Variants in PCDHA2 observed in about 807,000 individuals in gnomAD.
The protein encoded by PCDHA2 is protocadherin alpha 2.
A neutral mutation model predicts 66.0 loss-of-function variants in PCDHA2; 58 were observed. The observed-to-expected ratio is 0.88, with a 90% CI of 0.71 to 1.09. The LOEUF (loss-of-function observed/expected upper bound fraction) is 1.09, where lower values mean the gene tolerates loss of function less well. Among genes scored for constraint, PCDHA2 ranks in the 50% least tolerant of loss-of-function variants. The pLI is 0.00. For missense variants in PCDHA2, 1,267 were observed against 1,242.3 expected (o/e 1.02, Z -0.30); for synonymous variants, 634 against 554.0 (o/e 1.14, Z -2.03).
At chr5:140,991,563 C>T (rs577838155) in intron 3 of PCDHA2, among the ~76,000 whole-genome samples, 4 of 152,288 alleles carry the variant, frequency 2.6e-5, no homozygotes, top group South Asian at 4.1e-4. Context: ...CCTTTAGTTT[C>T]CAATAACAGG....
chr5:140,834,624 A>G (rs2150222938), intron 1 of PCDHA2: 1 of 1,614,104 alleles, frequency 6.2e-7, no homozygotes, highest in East Asian at 2.2e-5. Context: ...AAATCTGCAG[A>G]ATGGCATTTT....
intron 1 of PCDHA2, chr5:140,802,772 C>G: frequency 6.2e-7 from 1 of 1,613,090 alleles, no homozygotes; most frequent in Non-Finnish European, 8.5e-7. Context: ...CGCTGGACCA[C>G]GAGGAGCTAG....
chr5:140,866,332 C>T (rs907104560), intron 1 of PCDHA2: 2 of 152,020 alleles, frequency 1.3e-5, no homozygotes, highest in Non-Finnish European at 2.9e-5. Flanking sequence ...CTGAACTTGG[C>T]CAAAGGATTC....
chr5:140,843,319 G>A lies in PCDHA2; in HGVS notation c.2388+45967G>A, dbSNP rs1554139952. On this transcript the variant is annotated intron_variant, in intron 1 of 3. Coordinates refer to ENST00000526136, the MANE Select transcript of PCDHA2 (RefSeq NM_018905.3). The stretch of plus-strand genomic sequence containing the variant: ...CGCTGACCGCCACGGCCACGGTTCT[G>A]GTGTCGCTGGTGGAGAGCGGCCAGG... The A allele has an allele frequency of 5.6e-6, 9 of 1,595,928 alleles. 2 individuals carry two copies. In the African/African-American group the frequency reaches 1.2e-4, roughly 21 times the overall value.
intron 1 of PCDHA2, among the ~76,000 whole-genome samples, chr5:140,894,264 G>A (rs1231047220): frequency 1.3e-5 from 2 of 151,820 alleles, no homozygotes; most frequent in African/African-American, 4.8e-5. Flanking sequence ...ACAAGTGGTA[G>A]CTTATTTACA....
In PCDHA2 at chr5:140,855,796, A is replaced by G. The variant is rs140328724; in HGVS notation, c.2388+58444A>G. 580 of 464,912 alleles carry G rather than the reference A, an allele frequency of 1.2e-3. 24 individuals carry two copies. The highest frequency in any genetic ancestry group is 0.011 in the African/African-American group (538 of 50,868). 28.8% of individuals were successfully genotyped at this position (464,912 alleles called of 1,614,324 possible). On this transcript the variant is annotated intron_variant, in intron 1 of 3. Transcript: ENST00000526136. ...AAATACGTAAAAAAAGAATTAACAT[A>G]TGAATGAAAGAAAAGTTGTGAACTC...
At chr5:140,965,311 T>G (rs1415569065) in intron 1 of PCDHA2, among the ~76,000 whole-genome samples, 1 of 152,180 alleles carries the variant, frequency 6.6e-6, no homozygotes, top group Non-Finnish European at 1.5e-5. Context: ...TTCTACCTTC[T>G]CTTTTACTGA....
At chr5:140,969,908 T>C (rs1586401643) in intron 1 of PCDHA2, among the ~76,000 whole-genome samples, 4 of 152,184 alleles carry the variant, frequency 2.6e-5, no homozygotes, top group Non-Finnish European at 4.4e-5. Context: ...ATGTCACAAG[T>C]GATAAAGCTG....
chr5:140,976,689 T>TTTGCA (rs1280133734), intron 1 of PCDHA2, among the ~76,000 whole-genome samples: 2 of 152,232 alleles, frequency 1.3e-5, no homozygotes, highest in East Asian at 3.8e-4. Context: ...GCAATTTAAG[T>TTTGCA]ACAATAATGT....
At chr5:140,876,395 T>C (rs1562712555) in intron 1 of PCDHA2, 2 of 1,613,920 alleles carry the variant, frequency 1.2e-6, no homozygotes, top group Non-Finnish European at 8.5e-7. Flanking sequence ...TATGGTGAAC[T>C]GGATTTTGAA....
At chr5:141,007,459 T>A (rs1323177537) in intron 3 of PCDHA2, among the ~76,000 whole-genome samples, 1 of 149,426 alleles carries the variant, frequency 6.7e-6, no homozygotes, top group Non-Finnish European at 1.5e-5. Context: ...TCCCAGCTAC[T>A]CAGGAGGCTG....
intron 1 of PCDHA2, chr5:140,967,190 AACG>A (rs781897780): frequency 6.2e-7 from 1 of 1,613,418 alleles, no homozygotes; most frequent in Non-Finnish European, 8.5e-7. Context: ...ATTGGACATC[AACG>A]ACAACTCACC....
At chr5:140,866,196 T>C (rs1176237600) in intron 1 of PCDHA2, 3 of 152,160 alleles carry the variant, frequency 2.0e-5, no homozygotes, top group African/African-American at 7.2e-5. Context: ...AACTGTGGTT[T>C]CCAATATCCT....
intron 1 of PCDHA2, chr5:140,807,094 TG>T: frequency 7.3e-7 from 1 of 1,376,078 alleles, no homozygotes; most frequent in Non-Finnish European, 1.0e-6. Flanking sequence ...GTCTGAAATA[TG>T]GAGGATGCAG....
chr5:140,870,746 TGACG>T, intron 1 of PCDHA2: 1 of 1,613,488 alleles, frequency 6.2e-7, no homozygotes, highest in Non-Finnish European at 8.5e-7. Context: ...AGCAGCAACG[TGACG>T]CTGCAGGTGT....
At chr5:140,956,057 T>C (rs2095252530) in intron 1 of PCDHA2, among the ~76,000 whole-genome samples, 1 of 152,308 alleles carries the variant, frequency 6.6e-6, no homozygotes, top group South Asian at 2.1e-4. Flanking sequence ...GCTGAGACAA[T>C]GGGGTTTTCC....
intron 1 of PCDHA2, chr5:140,883,167 G>A (rs781855278): frequency 6.2e-7 from 1 of 1,613,864 alleles, no homozygotes; most frequent in East Asian, 2.2e-5. Context: ...CCGAACAATG[G>A]AGAAATTAGG....
chr5:140,841,886 A>G, intron 1 of PCDHA2: 1 of 1,613,832 alleles, frequency 6.2e-7, no homozygotes, highest in South Asian at 1.1e-5. Context: ...GAACGATGAG[A>G]ATAAACTGGT....
At chr5:140,962,037 C>G (rs1449536712) in intron 1 of PCDHA2, among the ~76,000 whole-genome samples, 1 of 152,066 alleles carries the variant, frequency 6.6e-6, no homozygotes, top group African/African-American at 2.4e-5. Flanking sequence ...GCACCCACCA[C>G]CATGCCTGGC....
Sources: allele counts gnomAD v4.1 joint callset (sites outside exome capture counted in the v4.1 genomes callset), GRCh38; gene constraint gnomAD v4.1.1; transcripts MANE v1.5; gene names NCBI Gene and HGNC (gene_info 2026-07-23, HGNC 2026-07-21).